RBFOX1: variants seen among roughly 807,000 people sequenced by gnomAD.
RBFOX1 encodes RNA binding fox-1 homolog 1.
A neutral mutation model predicts 57.7 loss-of-function variants in RBFOX1; 8 were observed. The ratio of observed to expected loss-of-function variants is 0.14; its 90% CI spans 0.08 to 0.25. The LOEUF is 0.25. Among genes scored for constraint, RBFOX1 ranks in the 10% least tolerant of loss-of-function variants. The probability of loss-of-function intolerance (pLI) is 1.00; values close to 1 mark genes in which losing one functional copy is unlikely to be tolerated. For synonymous variants in RBFOX1, 326 were observed against 222.4 expected, an observed-to-expected ratio of 1.47 and a Z score of -4.15; for missense variants, 611 against 548.5, an observed-to-expected ratio of 1.11 and a Z score of -1.14.
chr16:6,669,901 G>C (rs542191420), intron 3 of RBFOX1, among the ~76,000 whole-genome samples: 2 of 152,236 alleles, frequency 1.3e-5, no homozygotes, highest in Non-Finnish European at 2.9e-5. Context: ...CTAAGTAACC[G>C]ACCCATGGTA....
At chr16:7,406,908 C>G (rs1050074396) in intron 4 of RBFOX1, among the ~76,000 whole-genome samples, 2 of 152,190 alleles carry the variant, frequency 1.3e-5, no homozygotes, top group African/African-American at 2.4e-5. Context: ...TGGCCCCTTC[C>G]TCCGTCTCCA....
In RBFOX1 at chr16:6,894,258, C is replaced by T. The variant is rs111903817; in HGVS notation, c.-15-157799C>T. On this transcript the variant is annotated intron_variant, in intron 3 of 15. Coordinates refer to ENST00000550418, the MANE Select transcript of RBFOX1 (RefSeq NM_018723.4). Reference sequence around the variant, plus strand: ...AGATGGCATTGGTCATTGGTCATTTCAGCACAGTTTCATAATATGTCTCTA... The same window carrying T: ...AGATGGCATTGGTCATTGGTCATTTTAGCACAGTTTCATAATATGTCTCTA... Among the ~76,000 whole-genome samples, 10 of 152,290 alleles carry T rather than the reference C, an allele frequency of 6.6e-5. No homozygotes were observed. The East Asian group carries it at 1.5e-3, about 24-fold the overall frequency.
chr16:6,955,520 T>A (rs1043434233), intron 3 of RBFOX1, among the ~76,000 whole-genome samples: 5 of 147,542 alleles, frequency 3.4e-5, no homozygotes, highest in Non-Finnish European at 7.6e-5. Flanking sequence ...ATTAGCTCAT[T>A]GCTTGCTTTT....
intron 3 of RBFOX1, among the ~76,000 whole-genome samples, chr16:6,921,881 A>C (rs2153455563): frequency 6.6e-6 from 1 of 152,156 alleles, no homozygotes; most frequent in South Asian, 2.1e-4. Context: ...CATAATGAAG[A>C]GGAGGAGATT....
At chr16:5,814,979 T>TTTTG (rs1228490273) in intron 3 of RBFOX1, among the ~76,000 whole-genome samples, 5 of 151,308 alleles carry the variant, frequency 3.3e-5, no homozygotes, top group African/African-American at 9.7e-5. Flanking sequence ...TCCTGACCTA[T>TTTTG]TTTCTTTCTT....
rs144139387 is a variant in RBFOX1, at chr16:7,362,160, G to A, written c.28-155987G>A. On this transcript the variant is annotated intron_variant, in intron 4 of 15. Coordinates refer to ENST00000550418, the MANE Select transcript of RBFOX1 (RefSeq NM_018723.4). ...TGTTAGTGTATGTGTGTTAGTGTAT[G>A]TTTTGTATGCTTGCTAGTGTGTGTG... Among the ~76,000 whole-genome samples the A allele has an allele frequency of 6.1e-3, 907 of 149,188 alleles. 7 individuals carry two copies. Among genetic ancestry groups the A allele is most frequent in the African/African-American group, 0.015 (605 of 39,480 alleles).
At chr16:6,264,129 C>T (rs961217231) in intron 1 of RBFOX1, among the ~76,000 whole-genome samples, 1 of 152,166 alleles carries the variant, frequency 6.6e-6, no homozygotes, top group Non-Finnish European at 1.5e-5. Flanking sequence ...CTACTGCCTG[C>T]CCATTGCTTT....
At chr16:6,287,948 G>T (rs1054207815) in intron 1 of RBFOX1, among the ~76,000 whole-genome samples, 1 of 152,072 alleles carries the variant, frequency 6.6e-6, no homozygotes, top group African/African-American at 2.4e-5. Context: ...TTGATATCTT[G>T]CTAAAGAAAA....
chr16:7,699,150 A>G (rs563990245), intron 14 of RBFOX1, among the ~76,000 whole-genome samples: 1 of 152,142 alleles, frequency 6.6e-6, no homozygotes, highest in Non-Finnish European at 1.5e-5. Flanking sequence ...ATTGTAATAG[A>G]AAAGACCTCA....
chr16:7,063,037 A>T (rs188739185), intron 4 of RBFOX1, among the ~76,000 whole-genome samples: 73 of 151,262 alleles, frequency 4.8e-4, no homozygotes, highest in African/African-American at 1.7e-3. Context: ...AGTTTGGTTA[A>T]AGGTTTGCTA....
At chr16:6,990,673 C>T (rs1021377703) in intron 3 of RBFOX1, among the ~76,000 whole-genome samples, 10 of 152,050 alleles carry the variant, frequency 6.6e-5, no homozygotes, top group East Asian at 1.9e-4. Flanking sequence ...AGGCAAAAGC[C>T]GTGATCAGTT....
intron 1 of RBFOX1, among the ~76,000 whole-genome samples, chr16:6,075,609 A>G (rs894203334): frequency 6.6e-6 from 1 of 152,244 alleles, no homozygotes; most frequent in Non-Finnish European, 1.5e-5. Flanking sequence ...ACACACACAC[A>G]AAGACACACA....
At chr16:6,530,747 C>A (rs1348598436) in intron 2 of RBFOX1, among the ~76,000 whole-genome samples, 1 of 36,436 alleles carries the variant, frequency 2.7e-5, no homozygotes, top group Non-Finnish European at 4.3e-4. Context: ...TTTTATAAAC[C>A]GTCCCTTCCC....
intron 3 of RBFOX1, among the ~76,000 whole-genome samples, chr16:5,614,183 C>T (rs1041224824): frequency 8.5e-5 from 13 of 152,178 alleles, no homozygotes; most frequent in Admixed American, 3.9e-4. Flanking sequence ...TGTCCTGTCA[C>T]GTACAGCCTG....
At chr16:7,215,084 G>A (rs975007889) in intron 4 of RBFOX1, among the ~76,000 whole-genome samples, 1 of 152,056 alleles carries the variant, frequency 6.6e-6, no homozygotes, top group African/African-American at 2.4e-5. Flanking sequence ...ACAGGCCCTG[G>A]TGTGTGATGT....
chr16:7,377,922 G>C (rs896664801), intron 4 of RBFOX1, among the ~76,000 whole-genome samples: 3 of 152,286 alleles, frequency 2.0e-5, no homozygotes, highest in Admixed American at 6.5e-5. Context: ...GAAGTTTTAA[G>C]GAGGTGATGT....
At chr16:6,970,931 C>T (rs563197299) in intron 3 of RBFOX1, among the ~76,000 whole-genome samples, 1 of 152,190 alleles carries the variant, frequency 6.6e-6, no homozygotes, top group African/African-American at 2.4e-5. Flanking sequence ...TTGTCTGAAA[C>T]ACATGCACAC....
At chr16:7,132,044 C>T (rs1166147990) in intron 4 of RBFOX1, among the ~76,000 whole-genome samples, 2 of 143,158 alleles carry the variant, frequency 1.4e-5, no homozygotes, top group Non-Finnish European at 3.0e-5. Context: ...CAGACTAGAG[C>T]GAAGTGGCAC....
chr16:7,353,168 A>G (rs2097157743), intron 4 of RBFOX1, among the ~76,000 whole-genome samples: 1 of 152,180 alleles, frequency 6.6e-6, no homozygotes, highest in Non-Finnish European at 1.5e-5. Context: ...CAATTTTTGT[A>G]GCCTAAATTG....
Sources: gnomAD v4.1 joint callset for allele counts (sites outside exome capture counted in the v4.1 genomes callset) on GRCh38, gnomAD v4.1.1 for gene constraint, MANE v1.5 for transcripts, NCBI Gene and HGNC (gene_info 2026-07-23, HGNC 2026-07-21) for gene names.